TOP1: variants seen among roughly 807,000 people sequenced by gnomAD.
TOP1 encodes the protein DNA topoisomerase I.
Under a neutral mutation model 111.1 loss-of-function variants are expected in TOP1, and 10 were observed. The ratio of observed to expected loss-of-function variants is 0.09; its 90% CI spans 0.06 to 0.15. TOP1 has a LOEUF of 0.15. Ranked by LOEUF, TOP1 falls within the 10% of genes least tolerant of loss-of-function variation. The pLI is 1.00. For synonymous variants in TOP1, 271 were observed against 302.9 expected, an observed-to-expected ratio of 0.89 and a Z score of 1.10; for missense variants, 474 against 926.7, an observed-to-expected ratio of 0.51 and a Z score of 6.34.
Position 41,092,025 on chromosome 20 carries a change from G to A in TOP1, c.615-447G>A, listed in dbSNP as rs557051665. On this transcript the variant is annotated intron_variant, in intron 8 of 20. Transcript: ENST00000361337. This position sits in a 1 kb window ranked among gnomAD's most constrained non-coding sequence, Gnocchi z 4.3. ...CCAGTTAAGCTATCATTTCCTAGTC[G>A]TCTTCCTTTATGTCCTTTCTCATAG... Among the ~76,000 whole-genome samples, 7 of 152,178 alleles carry A rather than the reference G, an allele frequency of 4.6e-5. No homozygotes were observed. Among genetic ancestry groups the A allele is most frequent in the Admixed American group, 2.6e-4 (4 of 15,280 alleles).
Position 41,029,505 on chromosome 20 carries a change from C to T in TOP1, c.58+50C>T. The T allele has an allele frequency of 6.8e-7, 1 of 1,481,374 alleles. No individual in the cohort carries two copies. The highest frequency in any genetic ancestry group is 9.2e-7 in the Non-Finnish European group (1 of 1,088,624). 91.8% of individuals were successfully genotyped at this position (1,481,374 alleles called of 1,614,324 possible). A position where few individuals can be genotyped will look rare whatever the true frequency, so the allele number is the denominator to read the frequency against. ...CCGGGGCCCCCCAGCCGCCGGCCGC[C>T]TCCCCCGCGCCCTGCCGGTGCCGGG... On this transcript the variant is annotated intron_variant, in intron 2 of 20. Transcript: ENST00000361337. This position sits in a 1 kb window ranked among gnomAD's most constrained non-coding sequence, Gnocchi z 6.1.
Position 41,030,491 on chromosome 20 carries a change from C to G in TOP1, c.58+1036C>G, listed in dbSNP as rs1389474754. On this transcript the variant is annotated intron_variant, in intron 2 of 20. Transcript: ENST00000361337. This position sits in a 1 kb window ranked among gnomAD's most constrained non-coding sequence, Gnocchi z 4.1. ...AAGAACTGGCTTTTTTTTTTTTTCC[C>G]AATTCTTTATGTTTTTGAACCCTTT... is the stretch of plus-strand genomic sequence containing the variant. Among the ~76,000 whole-genome samples, 2 of 150,044 alleles carry G rather than the reference C, an allele frequency of 1.3e-5. No homozygotes were observed. The highest frequency in any genetic ancestry group is 3.0e-5 in the Non-Finnish European group (2 of 67,572).
chr20:41,043,262 T>C (rs2033290516), intron 2 of TOP1, among the ~76,000 whole-genome samples: 1 of 152,216 alleles, frequency 6.6e-6, no homozygotes, highest in Non-Finnish European at 1.5e-5. Flanking sequence ...ACCAATAGAA[T>C]AGAGCAAGAT....
intron 2 of TOP1, among the ~76,000 whole-genome samples, chr20:41,047,594 C>T (rs1365495502): frequency 6.6e-6 from 1 of 152,220 alleles, no homozygotes; most frequent in African/African-American, 2.4e-5. Flanking sequence ...ATACAAATTC[C>T]AGTGTCCATA....
At position 41,109,054 on chromosome 20, in the gene TOP1, C is replaced by A. The variant is rs1488316598; in HGVS notation, c.1309-3728C>A. On this transcript the variant is annotated intron_variant, in intron 13 of 20. Transcript: ENST00000361337. This position sits in a 1 kb window ranked among gnomAD's most constrained non-coding sequence, Gnocchi z 4.1. The stretch of plus-strand genomic sequence containing the variant: ...TTGCGTTTAGTCCTGTTAAAATACT[C>A]TCAGTGCCAAATACACACTTCTGCC... 6.6e-6 allele frequency among the ~76,000 whole-genome samples: 1 copy of A among 152,214 alleles called. No individual in the cohort carries two copies. Among genetic ancestry groups the A allele is most frequent in the Non-Finnish European group, 1.5e-5 (1 of 68,036 alleles).
At chr20:41,049,874 C>G (rs1042751436) in intron 2 of TOP1, among the ~76,000 whole-genome samples, 2 of 152,026 alleles carry the variant, frequency 1.3e-5, no homozygotes, top group African/African-American at 4.8e-5. Flanking sequence ...AAGTTGAGGT[C>G]CCTAACAGGG....
chr20:41,086,249 C>T (rs1046854477), intron 8 of TOP1, among the ~76,000 whole-genome samples: 160 of 147,846 alleles, frequency 1.1e-3, no homozygotes, highest in African/African-American at 3.8e-3. Flanking sequence ...GGCGACAGAG[C>T]GAGACTCTGT....
intron 2 of TOP1, among the ~76,000 whole-genome samples, chr20:41,031,178 G>A (rs1313584630): frequency 6.6e-6 from 1 of 152,132 alleles, no homozygotes; most frequent in Non-Finnish European, 1.5e-5. Flanking sequence ...AACCTATCAC[G>A]ATTTTAAAAG....
Position 41,118,788 on chromosome 20 carries a change from T to C in TOP1, c.1950+492T>C, listed in dbSNP as rs145859196. On this transcript the variant is annotated intron_variant, in intron 18 of 20. Transcript: ENST00000361337. The surrounding 1 kb of genome is among the most constrained non-coding windows in gnomAD (Gnocchi z 4.6). The stretch of plus-strand genomic sequence containing the variant: ...AATCATATTTTTATATAGTTCATCA[T>C]CAAACATCTGTTGAATACTGGCCGT... 6.6e-6 allele frequency among the ~76,000 whole-genome samples: 1 copy of C among 152,380 alleles called. No individual in the cohort carries two copies. Among genetic ancestry groups the C allele is most frequent in the East Asian group, 1.9e-4 (1 of 5,196 alleles).
chr20:41,028,838 C>CT lies in TOP1; in HGVS notation c.-229dup, dbSNP rs1158025430. The CT allele has an allele frequency of 3.8e-6, 2 of 528,358 alleles. No homozygotes were observed. Among genetic ancestry groups the CT allele is most frequent in the African/African-American group, 4.1e-5 (2 of 49,240 alleles). 32.7% of individuals were successfully genotyped at this position (528,358 alleles called of 1,614,324 possible). A position where few individuals can be genotyped will look rare whatever the true frequency, so the allele number is the denominator to read the frequency against. ...CAGTGAGCCCAAATGCGAACTTAGG[C>CT]TGTTACACAACTGCTGGGGTCTGTT... On this transcript the variant is annotated 5_prime_UTR_variant, in exon 1 of 21. Transcript: ENST00000361337.
intron 9 of TOP1, among the ~76,000 whole-genome samples, chr20:41,093,697 G>C (rs2033947611): frequency 2.0e-5 from 3 of 152,162 alleles, no homozygotes; most frequent in Non-Finnish European, 1.5e-5. Context: ...ACCAAACTTT[G>C]AGAAACACTG....
chr20:41,099,773 C>A (rs1381771191), intron 11 of TOP1, among the ~76,000 whole-genome samples: 1 of 152,106 alleles, frequency 6.6e-6, no homozygotes, highest in African/African-American at 2.4e-5. Context: ...TTTTAAAGTA[C>A]ATTTAAAAAC....
In TOP1 at chr20:41,058,470, G is replaced by T. The variant is rs763371478; in HGVS notation, c.59-2924G>T. On this transcript the variant is annotated intron_variant, in intron 2 of 20. Coordinates refer to ENST00000361337, the MANE Select transcript of TOP1 (RefSeq NM_003286.4). The surrounding 1 kb of genome is among the most constrained non-coding windows in gnomAD (Gnocchi z 4.2). ...GGCTAGAAGGTCCACTTCCAGGATG[G>T]CTCATTCACATGGCTAATTGGCAGG... 9.2e-5 allele frequency among the ~76,000 whole-genome samples: 14 copies of T among 152,186 alleles called. No individual in the cohort carries two copies. The highest frequency in any genetic ancestry group is 2.1e-4 in the Non-Finnish European group (14 of 68,028).
chr20:41,104,978 T>G lies in TOP1; in HGVS notation c.1308+3625T>G, dbSNP rs144226049. Among the ~76,000 whole-genome samples, 13 of 152,336 alleles carry G rather than the reference T, an allele frequency of 8.5e-5. No homozygotes were observed. In the East Asian group the frequency reaches 1.7e-3, roughly 20 times the overall value. ...AACATTTCAAACATACAGGAATAGA[T>G]AATTATGTAATGAACACTCGTATGT... On this transcript the variant is annotated intron_variant, in intron 13 of 20. Coordinates refer to ENST00000361337, the MANE Select transcript of TOP1 (RefSeq NM_003286.4).
rs1242388273 is a variant in TOP1 at position 41,121,045 on chromosome 20, G to A, written c.1951-651G>A. On this transcript the variant is annotated intron_variant, in intron 18 of 20. Coordinates refer to ENST00000361337, the MANE Select transcript of TOP1 (RefSeq NM_003286.4). The surrounding 1 kb of genome is among the most constrained non-coding windows in gnomAD (Gnocchi z 4.2). The stretch of plus-strand genomic sequence containing the variant: ...GCGTGAGACACCGCGCCTGGTGACC[G>A]CTCTCCTTTTAAAAACAGAATGCCA... 2.6e-5 allele frequency among the ~76,000 whole-genome samples: 4 copies of A among 152,090 alleles called. No individual in the cohort carries two copies. Among genetic ancestry groups the A allele is most frequent in the Admixed American group, 1.3e-4 (2 of 15,258 alleles).
chr20:41,102,308 A>G lies in TOP1; in HGVS notation c.1308+955A>G, dbSNP rs1320112398. Reference sequence around the variant, plus strand: ...AATACCTGTTTATATATTTTCTCCAATTATAAAATATACTTTTCTGGCTGG... The same window carrying G: ...AATACCTGTTTATATATTTTCTCCAGTTATAAAATATACTTTTCTGGCTGG... On this transcript the variant is annotated intron_variant, in intron 13 of 20. Transcript: ENST00000361337. The surrounding 1 kb of genome is among the most constrained non-coding windows in gnomAD (Gnocchi z 4.0). 6.6e-6 allele frequency among the ~76,000 whole-genome samples: 1 copy of G among 152,292 alleles called. No homozygotes were observed. The highest frequency in any genetic ancestry group is 6.5e-5 in the Admixed American group (1 of 15,290).
chr20:41,060,433 TGAAATCTA>T (rs1351293404), intron 2 of TOP1, among the ~76,000 whole-genome samples: 1 of 152,210 alleles, frequency 6.6e-6, no homozygotes, highest in Non-Finnish European at 1.5e-5. Context: ...GTTATTTACA[TGAAATCTA>T]GAAATCTAGA....
intron 14 of TOP1, 57 bp from the exon 15 acceptor site, chr20:41,113,913 T>A: frequency 1.5e-6 from 2 of 1,307,406 alleles, no homozygotes. Context: ...AGAACGAAAT[T>A]GTGTAAGGAT....
intron 3 of TOP1, among the ~76,000 whole-genome samples, chr20:41,063,437 T>G (rs1041163064): frequency 6.6e-6 from 1 of 152,218 alleles, no homozygotes; most frequent in Non-Finnish European, 1.5e-5. Flanking sequence ...ATGATTTGTT[T>G]TCTTTTGGAT....
Sources: allele counts gnomAD v4.1 joint callset (sites outside exome capture counted in the v4.1 genomes callset), GRCh38; gene constraint gnomAD v4.1.1; non-coding constraint Gnocchi (gnomAD v3.1); transcripts MANE v1.5; gene names NCBI Gene and HGNC (gene_info 2026-07-23, HGNC 2026-07-21).